NREP: variants seen among roughly 807,000 people sequenced by gnomAD.
NREP encodes the protein neuronal regeneration related protein.
NREP carries 5 observed loss-of-function variants against 8.6 expected under a neutral mutation model. The observed-to-expected ratio is 0.58, with a 90% CI of 0.30 to 1.22. The LOEUF (loss-of-function observed/expected upper bound fraction) is 1.22, where lower values mean the gene tolerates loss of function less well. Among genes scored for constraint, NREP ranks in the 50% most tolerant of loss-of-function variants. NREP has a pLI of 0.07. For missense variants in NREP, 86 were observed against 82.5 expected (o/e 1.04, Z -0.17); for synonymous variants, 27 against 28.0 (o/e 0.96, Z 0.11).
chr5:111,926,176 C>A (rs1755378703), intron 2 of NREP, among the ~76,000 whole-genome samples: 1 of 152,112 alleles, frequency 6.6e-6, no homozygotes, highest in African/African-American at 2.4e-5. Flanking sequence ...GCACCATGTC[C>A]ACTGGGCATT....
chr5:111,934,687 GT>G (rs1755633501), intron 2 of NREP, among the ~76,000 whole-genome samples: 2 of 152,080 alleles, frequency 1.3e-5, no homozygotes, highest in African/African-American at 4.8e-5. Context: ...ATTACTTGCT[GT>G]CTTAAGCAAT....
chr5:111,863,707 T>G (rs1199029014), intron 2 of NREP, among the ~76,000 whole-genome samples: 2 of 152,148 alleles, frequency 1.3e-5, no homozygotes, highest in Non-Finnish European at 2.9e-5. Flanking sequence ...ATAATTAATG[T>G]CAAGTAGTGA....
intron 2 of NREP, among the ~76,000 whole-genome samples, chr5:111,874,650 C>T: frequency 6.6e-6 from 1 of 152,284 alleles, no homozygotes; most frequent in South Asian, 2.1e-4. Context: ...TTGCTTGGGG[C>T]TGGAGTAGAG....
intron 2 of NREP, among the ~76,000 whole-genome samples, chr5:111,852,566 T>C (rs1753336697): frequency 6.6e-6 from 1 of 152,176 alleles, no homozygotes; most frequent in African/African-American, 2.4e-5. Context: ...GAGCAAAGCA[T>C]GCTATTGAGG....
intron 2 of NREP, among the ~76,000 whole-genome samples, chr5:111,875,942 G>A (rs1753896951): frequency 6.6e-6 from 1 of 152,186 alleles, no homozygotes; most frequent in South Asian, 2.1e-4. Flanking sequence ...AATGTAAGGG[G>A]TTTTATACAT....
At chr5:111,922,232 T>C (rs2112582479) in intron 2 of NREP, among the ~76,000 whole-genome samples, 1 of 152,282 alleles carries the variant, frequency 6.6e-6, no homozygotes, top group African/African-American at 2.4e-5. Context: ...CATTTTTTTC[T>C]ACCTTTCTTG....
chr5:111,928,324 C>A (rs979563522), intron 2 of NREP, among the ~76,000 whole-genome samples: 24 of 151,414 alleles, frequency 1.6e-4, no homozygotes, highest in African/African-American at 5.6e-4. Flanking sequence ...AATCTTGAAG[C>A]TTCTGATTTA....
chr5:111,917,152 G>A (rs1755083890), intron 2 of NREP, among the ~76,000 whole-genome samples: 1 of 152,050 alleles, frequency 6.6e-6, no homozygotes, highest in Admixed American at 6.6e-5. Flanking sequence ...AGGTGAGCAT[G>A]CACAGTGTGT....
chr5:111,864,138 T>C (rs899879767), intron 2 of NREP, among the ~76,000 whole-genome samples: 6 of 152,104 alleles, frequency 3.9e-5, no homozygotes, highest in Admixed American at 2.0e-4. Flanking sequence ...CCGCAATACT[T>C]GACATGTTCA....
At chr5:111,884,853 C>T (rs547193644) in intron 2 of NREP, among the ~76,000 whole-genome samples, 197 of 152,280 alleles carry the variant, frequency 1.3e-3, no homozygotes, top group African/African-American at 4.6e-3. Flanking sequence ...CTATGACAAA[C>T]CCACAGCCAA....
chr5:111,914,256 A>C (rs575377945), intron 2 of NREP, among the ~76,000 whole-genome samples: 1 of 152,266 alleles, frequency 6.6e-6, no homozygotes, highest in East Asian at 1.9e-4. Context: ...AGCAAAATTT[A>C]TTCAAAGACC....
Position 111,730,814 on chromosome 5 carries a change from A to AGTT in NREP, c.*104_*106dup. ...TCTAAAGCAAGGCTCAGAGTCCCAT[A>AGTT]GTTTCTTCTTATACTTGATGATTTA... On this transcript the variant is annotated 3_prime_UTR_variant, in exon 4 of 4. Transcript: ENST00000257435. 7.8e-7 allele frequency: 1 copy of AGTT among 1,281,850 alleles called. No individual in the cohort carries two copies. The highest frequency in any genetic ancestry group is 1.5e-5 in the African/African-American group (1 of 67,492). The allele number at this position is 1,281,850 out of a possible 1,614,324, so 79.4% of individuals were successfully genotyped here.
chr5:111,925,024 G>A (rs1755345801), intron 2 of NREP, among the ~76,000 whole-genome samples: 1 of 152,162 alleles, frequency 6.6e-6, no homozygotes, highest in African/African-American at 2.4e-5. Flanking sequence ...AAAATATAGG[G>A]TTAGAACCTT....
intron 2 of NREP, among the ~76,000 whole-genome samples, chr5:111,832,025 G>A (rs1463042677): frequency 2.0e-5 from 3 of 152,120 alleles, no homozygotes; most frequent in Non-Finnish European, 4.4e-5. Flanking sequence ...CCTTCTGGAT[G>A]TATTGGAACC....
At chr5:111,803,885 GAAAA>G (rs1235436095) in intron 2 of NREP, among the ~76,000 whole-genome samples, 1 of 152,146 alleles carries the variant, frequency 6.6e-6, no homozygotes, top group Non-Finnish European at 1.5e-5. Context: ...AAGTGGACTT[GAAAA>G]TATAGAAAGA....
At chr5:111,765,644 A>G (rs7380763) in intron 2 of NREP, among the ~76,000 whole-genome samples, 107,036 of 152,094 alleles carry the variant, frequency 0.7, 37,915 homozygotes, top group Non-Finnish European at 0.75. Flanking sequence ...TCCAGAATTC[A>G]GTCTCTTAAC....
chr5:111,761,868 C>T (rs1750967326), upstream of NREP, among the ~76,000 whole-genome samples: 1 of 152,154 alleles, frequency 6.6e-6, no homozygotes. Flanking sequence ...AATTGTATTT[C>T]ATGCTTAAGA....
intron 2 of NREP, among the ~76,000 whole-genome samples, chr5:111,905,967 A>ATTACTAAT (rs546528550): frequency 9.9e-4 from 151 of 152,192 alleles, no homozygotes; most frequent in Non-Finnish European, 1.8e-3. Flanking sequence ...TAAAGTTGAG[A>ATTACTAAT]TTACTAATTT....
At chr5:111,935,309 G>A (rs902148486) in intron 2 of NREP, among the ~76,000 whole-genome samples, 2 of 152,166 alleles carry the variant, frequency 1.3e-5, no homozygotes, top group East Asian at 3.9e-4. Flanking sequence ...ATATCCCAGA[G>A]ATCAACTTAC....
Sources: allele counts gnomAD v4.1 joint callset (sites outside exome capture counted in the v4.1 genomes callset), GRCh38; gene constraint gnomAD v4.1.1; transcripts MANE v1.5; gene names NCBI Gene and HGNC (gene_info 2026-07-23, HGNC 2026-07-21).